The following MAPK8IP3 variants were observed in gnomAD, a reference collection of about 807,000 sequenced individuals.
MAPK8IP3 encodes the protein mitogen-activated protein kinase 8 interacting protein 3, also known as C-Jun-amino-terminal kinase-interacting protein 3.
Under a neutral mutation model 157.8 loss-of-function variants are expected in MAPK8IP3, and 49 were observed. That is an observed-to-expected ratio of 0.31 (90% CI 0.25 to 0.39). MAPK8IP3 has a LOEUF of 0.39. Among genes scored for constraint, MAPK8IP3 ranks in the 10% least tolerant of loss-of-function variants. The pLI is 1.00. For missense variants in MAPK8IP3, 1,478 were observed against 1,889.4 expected, an observed-to-expected ratio of 0.78 and a Z score of 4.04; for synonymous variants, 897 against 777.7, an observed-to-expected ratio of 1.15 and a Z score of -2.55.
At position 1,765,152 on chromosome 16, in the gene MAPK8IP3, A is replaced by C; in HGVS notation, c.2420A>C (p.His807Pro). The stretch of plus-strand genomic sequence containing the variant: ...GACCAGTTCACCGTCTGCAACGCGC[A>C]CGTGCTGTGCATCTCCAGCATCCCC... ...VVDQFTVCNA[H>P]VLCISSIPAA... The change falls in exon 20 of 32, where the codon CAC becomes CCC. Residue 807 changes from histidine to proline, a missense_variant. His to Pro is a moderately conservative substitution (Grantham distance 77). Coordinates refer to ENST00000610761, the MANE Select transcript of MAPK8IP3 (RefSeq NM_001318852.2). The C allele has an allele frequency of 6.2e-7, 1 of 1,606,222 alleles. No homozygotes were observed. Among genetic ancestry groups the C allele is most frequent in the Non-Finnish European group, 8.5e-7 (1 of 1,174,606 alleles).
chr16:1,754,036 A>G (rs1043646275), intron 8 of MAPK8IP3, among the ~76,000 whole-genome samples: 2 of 151,842 alleles, frequency 1.3e-5, no homozygotes, highest in Non-Finnish European at 2.9e-5. Flanking sequence ...AACTGAGTGC[A>G]GTGGCAGGTA....
chr16:1,732,664 C>T (rs1031958905), intron 4 of MAPK8IP3, among the ~76,000 whole-genome samples: 1 of 152,184 alleles, frequency 6.6e-6, no homozygotes. Flanking sequence ...TACGCCAGGG[C>T]GTGTGGATGC....
At chr16:1,717,751 G>A (rs1356783721) in intron 1 of MAPK8IP3, among the ~76,000 whole-genome samples, 1 of 152,118 alleles carries the variant, frequency 6.6e-6, no homozygotes, top group Non-Finnish European at 1.5e-5. Flanking sequence ...AATGCTGATA[G>A]TTAAAACTTT....
rs368612484 is a variant in MAPK8IP3, at chr16:1,748,254, C to T, written c.1005C>T (p.Ser335=). 1.7e-5 allele frequency: 28 copies of T among 1,613,456 alleles called. No individual in the cohort carries two copies. The African/African-American group carries it at 2.9e-4, about 17-fold the overall frequency. Residue 335 remains serine, a synonymous_variant, in exon 7 of 32, where the codon AGC becomes AGT. Coordinates refer to ENST00000610761, the MANE Select transcript of MAPK8IP3 (RefSeq NM_001318852.2). The part of the protein sequence containing the change: ...EMRNVSIGMG[S]SDEWSDVQDI... ...TGTGCTCTCCCCTAGGCATGGGCAG[C>T]AGTGACGAGTGGTCTGATGTTCAAG...
chr16:1,754,235 C>T (rs2041465904), intron 8 of MAPK8IP3, among the ~76,000 whole-genome samples: 1 of 152,022 alleles, frequency 6.6e-6, no homozygotes, highest in African/African-American at 2.4e-5. Context: ...GAGTATGTCG[C>T]TGGTGCTGGG....
intron 2 of MAPK8IP3, among the ~76,000 whole-genome samples, chr16:1,727,479 G>A (rs898876053): frequency 3.9e-5 from 6 of 152,216 alleles, no homozygotes; most frequent in Admixed American, 6.5e-5. Flanking sequence ...TCTGTACATC[G>A]TGTGTCAGGT....
In MAPK8IP3 at chr16:1,742,156, G is replaced by A. The variant is rs1368834408; in HGVS notation, c.603-1176G>A. On this transcript the variant is annotated intron_variant, in intron 4 of 31. Coordinates refer to ENST00000610761, the MANE Select transcript of MAPK8IP3 (RefSeq NM_001318852.2). This position sits in a 1 kb window ranked among gnomAD's most constrained non-coding sequence, Gnocchi z 5.0. ...AGTGTGGGCTCCAGCATCTGACCAC[G>A]TGGCCTGCCCCCCAGACCTGAGGAG... Among the ~76,000 whole-genome samples, 3 of 152,174 alleles carry A rather than the reference G, an allele frequency of 2.0e-5. No individual in the cohort carries two copies. The highest frequency in any genetic ancestry group is 3.9e-4 in the East Asian group (2 of 5,188).
Position 1,751,063 on chromosome 16 carries a change from C to T in MAPK8IP3, c.1216+2343C>T, listed in dbSNP as rs1296498499. 1.3e-5 allele frequency among the ~76,000 whole-genome samples: 2 copies of T among 152,192 alleles called. No homozygotes were observed. The highest frequency in any genetic ancestry group is 2.9e-5 in the Non-Finnish European group (2 of 68,040). ...TCGCAGCTGCCCTTCTCATTGTGGGCGGTGTCATTTCCGTGGGTGGCAGCA... is the reference window on the plus strand; with the variant it reads ...TCGCAGCTGCCCTTCTCATTGTGGGTGGTGTCATTTCCGTGGGTGGCAGCA... On this transcript the variant is annotated intron_variant, in intron 8 of 31. Transcript: ENST00000610761. The surrounding 1 kb of genome is among the most constrained non-coding windows in gnomAD (Gnocchi z 5.0).
rs542720503 is a variant in MAPK8IP3 at position 1,743,098 on chromosome 16, AAAAAT to A, written c.603-208_603-204del. 7.2e-5 allele frequency among the ~76,000 whole-genome samples: 11 copies of A among 152,216 alleles called. No individual in the cohort carries two copies. Among genetic ancestry groups the A allele is most frequent in the South Asian group, 4.2e-4 (2 of 4,816 alleles). On this transcript the variant is annotated intron_variant, in intron 4 of 31. Coordinates refer to ENST00000610761, the MANE Select transcript of MAPK8IP3 (RefSeq NM_001318852.2). The surrounding 1 kb of genome is among the most constrained non-coding windows in gnomAD (Gnocchi z 5.6). Reference sequence around the variant, plus strand: ...TGACAGAGCGAGACTCCGCCTCAAAAAAAATAAAATAAAATAAAATAAAATAAAAT... The same window carrying A: ...TGACAGAGCGAGACTCCGCCTCAAAAAAAATAAAATAAAATAAAATAAAAT...
intron 2 of MAPK8IP3, among the ~76,000 whole-genome samples, chr16:1,725,559 G>A (rs564307617): frequency 2.6e-5 from 4 of 151,828 alleles, no homozygotes; most frequent in African/African-American, 4.8e-5. Context: ...CCCAAGAGGC[G>A]GAGGTTGCAG....
chr16:1,767,575 C>G lies in MAPK8IP3; in HGVS notation c.3249C>G (p.Asp1083Glu), dbSNP rs201583193. The change falls in exon 27 of 32, where the codon GAC becomes GAG. Residue 1083 changes from aspartate (D) to glutamate (E), a missense_variant. Transcript: ENST00000610761. ...CCATGACTCCACAGAAGTCATTTGA[C>G]GCCCACCCGCGGCGGGAGAGCCAGG... ...PKTMQIEKSFDAHPRRESQVR... is the reference protein window; with the variant it reads ...PKTMQIEKSFEAHPRRESQVR... The G allele has an allele frequency of 6.2e-7, 1 of 1,611,642 alleles. No individual in the cohort carries two copies. Among genetic ancestry groups the G allele is most frequent in the East Asian group, 2.2e-5 (1 of 44,870 alleles).
At position 1,724,488 on chromosome 16, in the gene MAPK8IP3, C is replaced by T; in HGVS notation, c.319-69C>T. 6.4e-7 allele frequency: 1 copy of T among 1,571,570 alleles called. No individual in the cohort carries two copies. Among genetic ancestry groups the T allele is most frequent in the Admixed American group, 1.7e-5 (1 of 58,268 alleles). ...CCCTGGGCCCTCAAAGCCTGCGGCC[C>T]TTCAAGTGAAAGGCGGCTGCTCCAC... On this transcript the variant is annotated intron_variant, in intron 1 of 31. Transcript: ENST00000610761. The surrounding 1 kb of genome is among the most constrained non-coding windows in gnomAD (Gnocchi z 4.1).
intron 23 of MAPK8IP3, 24 bp from the exon 24 acceptor site, chr16:1,766,699 G>C: frequency 3.7e-6 from 6 of 1,612,574 alleles, no homozygotes; most frequent in Non-Finnish European, 5.1e-6. Context: ...TGAGCCCCTC[G>C]CCCATCGCCG....
At position 1,741,012 on chromosome 16, in the gene MAPK8IP3, C is replaced by T. The variant is rs1245881364; in HGVS notation, c.603-2320C>T. Among the ~76,000 whole-genome samples the T allele has an allele frequency of 1.3e-5, 2 of 152,162 alleles. No individual in the cohort carries two copies. The highest frequency in any genetic ancestry group is 4.8e-5 in the African/African-American group (2 of 41,422). On this transcript the variant is annotated intron_variant, in intron 4 of 31. Coordinates refer to ENST00000610761, the MANE Select transcript of MAPK8IP3 (RefSeq NM_001318852.2). This position sits in a 1 kb window ranked among gnomAD's most constrained non-coding sequence, Gnocchi z 6.9. ...CACAGACGAAGGCACGGCGCCGACT[C>T]CTGCTAAGGAGGGGTGTGCATCAGG...
chr16:1,764,189 G>A lies in MAPK8IP3; in HGVS notation c.2100G>A (p.Val700=), dbSNP rs1318687620. ...VPVPVYCRPL[V]EKDPTMKLWC... ...TGCCGGTGTACTGCCGCCCTCTGGT[G>A]GAGAAGGACCCCACCATGAAGGTGA... The change falls in exon 18 of 32, where the codon GTG becomes GTA. Residue 700 remains valine, a synonymous_variant. Transcript: ENST00000610761. 20 of 1,611,540 alleles carry A rather than the reference G, an allele frequency of 1.2e-5. No homozygotes were observed. In the Admixed American group the frequency reaches 3.3e-4, roughly 27 times the overall value.
rs1392151681 is a variant in MAPK8IP3, at chr16:1,738,841, CCGTGTGAG to C, written c.603-4479_603-4472del. 3.7e-3 allele frequency among the ~76,000 whole-genome samples: 485 copies of C among 130,502 alleles called. 3 individuals are homozygous for C. Among genetic ancestry groups the C allele is most frequent in the Non-Finnish European group, 6.4e-3 (397 of 61,794 alleles). The allele number at this position is 130,502 out of a possible 152,430, so 85.6% of individuals were successfully genotyped here. Reference sequence around the variant, plus strand: ...TCTGTGTGACCGTCCGTGTGAGCGTCCGTGTGAGCGTGTGAGCGTCCGTGTGAGTGTGA... The same window carrying C: ...TCTGTGTGACCGTCCGTGTGAGCGTCCGTGTGAGCGTCCGTGTGAGTGTGA... On this transcript the variant is annotated intron_variant, in intron 4 of 31. Transcript: ENST00000610761.
chr16:1,734,964 G>T (rs1436501799), intron 4 of MAPK8IP3: 3 of 154,690 alleles, frequency 1.9e-5, no homozygotes, highest in Non-Finnish European at 4.4e-5. Flanking sequence ...GTGTGTCTGT[G>T]TGGCCACATG....
At chr16:1,759,373 T>TG (rs1369487489) in intron 10 of MAPK8IP3, among the ~76,000 whole-genome samples, 1 of 152,048 alleles carries the variant, frequency 6.6e-6, no homozygotes, top group African/African-American at 2.4e-5. Context: ...GCATACACAG[T>TG]GGGGGAGTGT....
intron 4 of MAPK8IP3, among the ~76,000 whole-genome samples, chr16:1,729,892 A>C (rs1460503365): frequency 1.3e-5 from 2 of 152,012 alleles, no homozygotes; most frequent in Non-Finnish European, 2.9e-5. Context: ...TGTGTTTGCA[A>C]ATGTATCTAC....
Sources: allele counts gnomAD v4.1 joint callset (sites outside exome capture counted in the v4.1 genomes callset), GRCh38; gene constraint gnomAD v4.1.1; non-coding constraint Gnocchi (gnomAD v3.1); transcripts MANE v1.5; gene names NCBI Gene and HGNC (gene_info 2026-07-23, HGNC 2026-07-21).